Variants in ZCWPW2 observed in about 807,000 individuals in gnomAD.
ZCWPW2 encodes zinc finger CW-type and PWWP domain containing 2.
A neutral mutation model predicts 46.6 loss-of-function variants in ZCWPW2; 45 were observed. The observed-to-expected ratio is 0.96, with a 90% CI of 0.76 to 1.24. The LOEUF (loss-of-function observed/expected upper bound fraction) is 1.24, where lower values mean the gene tolerates loss of function less well. Among genes scored for constraint, ZCWPW2 ranks in the 50% most tolerant of loss-of-function variants. The pLI, the probability that ZCWPW2 is intolerant of heterozygous loss-of-function variation, is 0.00. For synonymous variants in ZCWPW2, 152 were observed against 137.1 expected, an observed-to-expected ratio of 1.11 and a Z score of -0.76; for missense variants, 429 against 403.9, an observed-to-expected ratio of 1.06 and a Z score of -0.53.
At chr3:28,399,452 G>A (rs1695837710) in intron 2 of ZCWPW2, among the ~76,000 whole-genome samples, 1 of 152,134 alleles carries the variant, frequency 6.6e-6, no homozygotes, top group Non-Finnish European at 1.5e-5. Flanking sequence ...TCTGGGAAGT[G>A]TTACCTCCCT....
rs183403661 is a variant in ZCWPW2, at chr3:28,482,549, T to C, written c.610+3618T>C. ...CAATTGCTGATCATATGGTGAGATA[T>C]GTTCAAATTTTAAAGAAACTACCAA... On this transcript the variant is annotated intron_variant, in intron 5 of 9. Transcript: ENST00000383768. Among the ~76,000 whole-genome samples, 595 of 152,286 alleles carry C rather than the reference T, an allele frequency of 3.9e-3. 5 individuals carry two copies. The highest frequency in any genetic ancestry group is 0.014 in the African/African-American group (566 of 41,564).
chr3:28,422,767 A>ATGTG (rs746623681), intron 3 of ZCWPW2, among the ~76,000 whole-genome samples: 1 of 151,068 alleles, frequency 6.6e-6, no homozygotes, highest in Admixed American at 6.6e-5. Flanking sequence ...TGCTATGAGT[A>ATGTG]TGTGTGTGTG....
Position 28,526,252 on chromosome 3 carries a change from T to C in ZCWPW2, c.*1564T>C, listed in dbSNP as rs972116463. Among the ~76,000 whole-genome samples the C allele has an allele frequency of 2.6e-5, 4 of 152,192 alleles. No individual in the cohort carries two copies. The highest frequency in any genetic ancestry group is 2.6e-4 in the Admixed American group (4 of 15,264). Reference sequence around the variant, plus strand: ...AATAATTACTGAGATAAAATGTAACTATACATTTGAAATGATCAGTTTTCT... The same window carrying C: ...AATAATTACTGAGATAAAATGTAACCATACATTTGAAATGATCAGTTTTCT... On this transcript the variant is annotated 3_prime_UTR_variant, in exon 10 of 10. Transcript: ENST00000383768.
chr3:28,429,711 G>A (rs567227726), intron 3 of ZCWPW2, among the ~76,000 whole-genome samples: 25 of 152,242 alleles, frequency 1.6e-4, no homozygotes, highest in Admixed American at 4.6e-4. Flanking sequence ...TTCACGGGCC[G>A]GGCCCAGTGC....
intron 1 of ZCWPW2, among the ~76,000 whole-genome samples, chr3:28,379,758 TA>T (rs992932981): frequency 6.0e-5 from 9 of 150,590 alleles, no homozygotes; most frequent in Admixed American, 2.0e-4. Flanking sequence ...AGTTGTTAAA[TA>T]AAAAAAAATG....
intron 6 of ZCWPW2, among the ~76,000 whole-genome samples, chr3:28,501,512 T>C (rs1358554621): frequency 6.6e-6 from 1 of 152,184 alleles, no homozygotes; most frequent in Non-Finnish European, 1.5e-5. Flanking sequence ...AAATTTTATT[T>C]AGCCAACTTG....
chr3:28,465,936 T>A (rs2125792120), intron 4 of ZCWPW2, among the ~76,000 whole-genome samples: 1 of 152,252 alleles, frequency 6.6e-6, no homozygotes, highest in South Asian at 2.1e-4. Flanking sequence ...TAGATGCCCA[T>A]CATTGGTAGG....
At position 28,523,645 on chromosome 3, in the gene ZCWPW2, T is replaced by C. The variant is rs887295559; in HGVS notation, c.910-882T>C. 9.9e-5 allele frequency among the ~76,000 whole-genome samples: 15 copies of C among 152,130 alleles called. 1 individual carries two copies. The highest frequency in any genetic ancestry group is 3.1e-4 in the African/African-American group (13 of 41,440). On this transcript the variant is annotated intron_variant, in intron 9 of 9. Coordinates refer to ENST00000383768, the MANE Select transcript of ZCWPW2 (RefSeq NM_001040432.4). ...ATTCATTTCACCTGTGAGTTTTCAA[T>C]TGGATTATCTCAGGCATTTACATCA...
intron 2 of ZCWPW2, among the ~76,000 whole-genome samples, chr3:28,407,471 G>C (rs1208679733): frequency 6.6e-6 from 1 of 152,102 alleles, no homozygotes; most frequent in African/African-American, 2.4e-5. Flanking sequence ...AAAACATTGA[G>C]TATCTATAGT....
intron 6 of ZCWPW2, among the ~76,000 whole-genome samples, chr3:28,499,868 T>C (rs571401096): frequency 1.3e-5 from 2 of 152,262 alleles, no homozygotes; most frequent in South Asian, 2.1e-4. Context: ...TTTGTTGATA[T>C]GTTACAAACA....
At chr3:28,393,157 C>G (rs998129176) in intron 2 of ZCWPW2, among the ~76,000 whole-genome samples, 1 of 151,882 alleles carries the variant, frequency 6.6e-6, no homozygotes. Context: ...TCATAAGAAA[C>G]TACTATGAAC....
chr3:28,478,309 T>C, intron 4 of ZCWPW2: 1 of 327,314 alleles, frequency 3.1e-6, no homozygotes, highest in Non-Finnish European at 6.3e-6. Flanking sequence ...AGTGGCACAA[T>C]CTCGCATCAC....
chr3:28,359,095 T>C (rs1375577136), intron 1 of ZCWPW2, among the ~76,000 whole-genome samples: 1 of 152,098 alleles, frequency 6.6e-6, no homozygotes, highest in East Asian at 1.9e-4. Context: ...AATTGAGTTT[T>C]AGAAGCCAGA....
chr3:28,511,140 C>T (rs1158976235), intron 6 of ZCWPW2: 5 of 440,388 alleles, frequency 1.1e-5, no homozygotes, highest in Admixed American at 5.0e-5. Context: ...AAATGTATGA[C>T]AATCTGGAAG....
In ZCWPW2 at chr3:28,503,223, GT is replaced by G. The variant is rs563347897; in HGVS notation, c.658-10835del. ...TATGATTCCACAAAATGTGGCTGCC[GT>G]TTTTTAAGAAACAAAATCTTCCTCA... On this transcript the variant is annotated intron_variant, in intron 6 of 9. Transcript: ENST00000383768. Among the ~76,000 whole-genome samples the G allele has an allele frequency of 1.0e-3, 159 of 152,226 alleles. 1 individual carries two copies. Among genetic ancestry groups the G allele is most frequent in the Non-Finnish European group, 1.7e-3 (116 of 67,996 alleles).
Position 28,370,324 on chromosome 3 carries a change from A to T in ZCWPW2, c.-133-20174A>T, listed in dbSNP as rs530562643. On this transcript the variant is annotated intron_variant, in intron 1 of 9. Transcript: ENST00000383768. ...CACCCCAAAAAACATTCATTGTCGC[A>T]TAACAACCCTAAACTGGAGATCTAA... 1.1e-4 allele frequency among the ~76,000 whole-genome samples: 16 copies of T among 152,366 alleles called. 1 individual carries two copies. In the South Asian group the frequency reaches 3.3e-3, roughly 32 times the overall value.
intron 1 of ZCWPW2, among the ~76,000 whole-genome samples, chr3:28,352,446 G>A (rs2125685040): frequency 6.6e-6 from 1 of 152,110 alleles, no homozygotes; most frequent in East Asian, 1.9e-4. Flanking sequence ...CTCTTTAGCA[G>A]TTGTCCCTCT....
intron 1 of ZCWPW2, among the ~76,000 whole-genome samples, chr3:28,371,468 G>A (rs2125702284): frequency 6.6e-6 from 1 of 152,122 alleles, no homozygotes; most frequent in African/African-American, 2.4e-5. Context: ...TAAAGGCCAA[G>A]GAGTTACACA....
intron 5 of ZCWPW2, among the ~76,000 whole-genome samples, chr3:28,490,654 A>G (rs998302901): frequency 6.6e-6 from 1 of 152,066 alleles, no homozygotes; most frequent in African/African-American, 2.4e-5. Flanking sequence ...AACAATAGGC[A>G]CTGGGGCCTA....
Sources: gnomAD v4.1 joint callset for allele counts (sites outside exome capture counted in the v4.1 genomes callset) on GRCh38, gnomAD v4.1.1 for gene constraint, MANE v1.5 for transcripts, NCBI Gene and HGNC (gene_info 2026-07-23, HGNC 2026-07-21) for gene names.